CFAP263: variants seen among roughly 807,000 people sequenced by gnomAD.
The protein encoded by CFAP263 is cilia- and flagella-associated protein 263.
At chr16:58,277,804 A>G in the CFAP263 span, among the ~76,000 whole-genome samples, 1 of 152,192 alleles carries the variant, frequency 6.6e-6, no homozygotes, top group East Asian at 1.9e-4. Context: ...ACATTATGCT[A>G]AGTGAAATAA....
chr16:58,255,700 A>C, the CFAP263 span, among the ~76,000 whole-genome samples: 3 of 151,858 alleles, frequency 2.0e-5, no homozygotes, highest in African/African-American at 4.8e-5. Context: ...CTGGGACTAC[A>C]GGCTCCTGCC....
chr16:58,278,684 C>T, the CFAP263 span: 13 of 1,575,720 alleles, frequency 8.3e-6, no homozygotes, highest in African/African-American at 4.0e-5. Context: ...ATGTCTTCAA[C>T]GTTTTCACTT....
chr16:58,269,687 C>T, the CFAP263 span, among the ~76,000 whole-genome samples: 3 of 152,080 alleles, frequency 2.0e-5, no homozygotes, highest in Non-Finnish European at 4.4e-5. Context: ...AATAACATTT[C>T]GTTGTGTAGA....
chr16:58,280,562 A>C, the CFAP263 span: 1 of 1,614,174 alleles, frequency 6.2e-7, no homozygotes, highest in Admixed American at 1.7e-5. Flanking sequence ...AAAGAAATCA[A>C]CTTTTCCCAG....
the CFAP263 span, chr16:58,279,679 T>C: frequency 8.3e-6 from 13 of 1,575,044 alleles, no homozygotes; most frequent in Middle Eastern, 5.1e-4. Context: ...TTTTTCTTTT[T>C]TTTTTTTGCA....
At chr16:58,283,290 A>C in the CFAP263 span, 1 of 152,206 alleles carries the variant, frequency 6.6e-6, no homozygotes, top group African/African-American at 2.4e-5. Flanking sequence ...AGAGGATTCT[A>C]TGGGGACGGG....
chr16:58,254,994 A>G, the CFAP263 span, among the ~76,000 whole-genome samples: 1 of 152,148 alleles, frequency 6.6e-6, no homozygotes, highest in Admixed American at 6.5e-5. Context: ...GTATACATGT[A>G]TATATGAAAG....
chr16:58,278,652 GC>G, the CFAP263 span: 1 of 1,613,046 alleles, frequency 6.2e-7, no homozygotes, highest in Non-Finnish European at 8.5e-7. Context: ...GCCACGGGGA[GC>G]CCCAAGATGG....
the CFAP263 span, among the ~76,000 whole-genome samples, chr16:58,255,668 C>T: frequency 6.6e-6 from 1 of 151,718 alleles, no homozygotes; most frequent in African/African-American, 2.4e-5. Context: ...ACACCATTCT[C>T]CTGCCTCAGC....
the CFAP263 span, chr16:58,262,300 T>G: frequency 2.3e-6 from 3 of 1,300,434 alleles, no homozygotes; most frequent in African/African-American, 4.4e-5. Context: ...ACCTCCAAAG[T>G]CTTGTCAAGA....
At chr16:58,263,307 G>A in the CFAP263 span, among the ~76,000 whole-genome samples, 1 of 152,092 alleles carries the variant, frequency 6.6e-6, no homozygotes, top group Admixed American at 6.6e-5. Context: ...AAGCAAAATT[G>A]GTTTCTTCCC....
At chr16:58,262,981 C>A in the CFAP263 span, among the ~76,000 whole-genome samples, 1 of 152,168 alleles carries the variant, frequency 6.6e-6, no homozygotes, top group African/African-American at 2.4e-5. Context: ...TAAGCACTTT[C>A]CTGCTTAAAA....
At chr16:58,272,594 C>G in the CFAP263 span, among the ~76,000 whole-genome samples, 1 of 152,120 alleles carries the variant, frequency 6.6e-6, no homozygotes, top group African/African-American at 2.4e-5. Context: ...AGTAAAGATA[C>G]GGCATTATAA....
the CFAP263 span, chr16:58,250,031 C>A: frequency 1.3e-5 from 21 of 1,594,768 alleles, no homozygotes; most frequent in East Asian, 4.3e-4. Context: ...GATGATGAGT[C>A]CGAGAGCGTC....
chr16:58,251,551 C>A, the CFAP263 span, among the ~76,000 whole-genome samples: 3 of 152,100 alleles, frequency 2.0e-5, no homozygotes, highest in African/African-American at 7.2e-5. Flanking sequence ...GCCACCACAC[C>A]CAGCTAATTC....
chr16:58,254,278 G>A, the CFAP263 span: 1 of 1,066,310 alleles, frequency 9.4e-7, no homozygotes, highest in South Asian at 1.5e-5. Context: ...CAGGTAGGAT[G>A]AAGCGAATCC....
chr16:58,250,785 T>A, the CFAP263 span, among the ~76,000 whole-genome samples: 19 of 128,010 alleles, frequency 1.5e-4, no homozygotes, highest in African/African-American at 4.4e-4. Context: ...AAAAAAAAAA[T>A]TATATGATAA....
At chr16:58,268,826 T>A in the CFAP263 span, among the ~76,000 whole-genome samples, 364 of 152,344 alleles carry the variant, frequency 2.4e-3, 5 homozygotes, top group Admixed American at 0.021. Flanking sequence ...TGATTTTTTT[T>A]AAAGCCTGAC....
At chr16:58,279,401 C>T in the CFAP263 span, among the ~76,000 whole-genome samples, 511 of 152,304 alleles carry the variant, frequency 3.4e-3, 1 homozygote, top group Non-Finnish European at 5.7e-3. Flanking sequence ...TTGGGCCCCT[C>T]AGATCCGAAG....
Sources: allele counts gnomAD v4.1 joint callset (sites outside exome capture counted in the v4.1 genomes callset), GRCh38; gene constraint gnomAD v4.1.1; transcripts MANE v1.5; gene names NCBI Gene and HGNC (gene_info 2026-07-23, HGNC 2026-07-21).